The following ATP4B variants were observed in gnomAD, a reference collection of about 807,000 sequenced individuals.
ATP4B encodes potassium-transporting ATPase subunit beta.
A neutral mutation model predicts 35.3 loss-of-function variants in ATP4B; 27 were observed. The observed-to-expected ratio is 0.76, with a 90% confidence interval of 0.56 to 1.05. The LOEUF (loss-of-function observed/expected upper bound fraction) is 1.05. Among genes scored for constraint, ATP4B ranks in the 50% least tolerant of loss-of-function variants. The pLI is 0.00. For synonymous variants in ATP4B, 162 were observed against 156.0 expected (o/e 1.04, Z -0.29); for missense variants, 375 against 384.8 (o/e 0.97, Z 0.21).
At chr13:113,652,716 G>A (rs2049721462) in intron 4 of ATP4B, 157 bp downstream of exon 4, 3 of 796,802 alleles carry the variant, frequency 3.8e-6, no homozygotes, top group Non-Finnish European at 4.3e-6. Flanking sequence ...CACGGGACAG[G>A]TGCGTGCCAA....
Position 113,649,652 on chromosome 13 carries a change from A to C in ATP4B, c.715-117T>G. The C allele has an allele frequency of 8.1e-7, 1 of 1,228,238 alleles. No individual in the cohort carries two copies. The highest frequency in any genetic ancestry group is 2.8e-5 in the East Asian group (1 of 35,556). The allele number at this position is 1,228,238 out of a possible 1,614,324, so 76.1% of individuals were successfully genotyped here. On this transcript the variant is annotated intron_variant, in intron 6 of 6. Transcript: ENST00000335288. This position sits in a 1 kb window ranked among gnomAD's most constrained non-coding sequence, Gnocchi z 4.7. ...GTGCAGAGAAGCAGCTCTTTTGTGT[A>C]AGACTGGCCCTGACCGAGTGCATGC...
intron 2 of ATP4B, 95 bp from the exon 3 acceptor site, chr13:113,653,529 G>C: frequency 9.3e-7 from 1 of 1,077,722 alleles, no homozygotes; most frequent in Middle Eastern, 2.6e-4. Flanking sequence ...AGAGGCGGTG[G>C]CCCAACCCAG....
chr13:113,656,245 T>C (rs2049753513), intron 1 of ATP4B, among the ~76,000 whole-genome samples: 1 of 152,182 alleles, frequency 6.6e-6, no homozygotes, highest in Non-Finnish European at 1.5e-5. Flanking sequence ...GTGGCTTCTA[T>C]TTGACTTGGC....
At chr13:113,652,292 C>T (rs1173826479) in intron 4 of ATP4B, among the ~76,000 whole-genome samples, 2 of 152,216 alleles carry the variant, frequency 1.3e-5, no homozygotes, top group Admixed American at 6.5e-5. Context: ...CCCTGGCTGA[C>T]GGGGACCCGT....
In ATP4B at chr13:113,649,073, G is replaced by A. The variant is rs562549692; in HGVS notation, c.*301C>T. ...AGAAAGTGATGTCTACATAGAAGACGAATCGTTTTTATGACCTGGTTAATT... is the reference window on the plus strand; with the variant it reads ...AGAAAGTGATGTCTACATAGAAGACAAATCGTTTTTATGACCTGGTTAATT... On this transcript the variant is annotated 3_prime_UTR_variant, in exon 7 of 7. Coordinates refer to ENST00000335288, the MANE Select transcript of ATP4B (RefSeq NM_000705.4). The surrounding 1 kb of genome is among the most constrained non-coding windows in gnomAD (Gnocchi z 4.7). 17 of 241,370 alleles carry A rather than the reference G, an allele frequency of 7.0e-5. No homozygotes were observed. Among genetic ancestry groups the A allele is most frequent in the Non-Finnish European group, 9.9e-5 (12 of 121,660 alleles). The allele number at this position is 241,370 out of a possible 1,614,324, so 15.0% of individuals were successfully genotyped here.
intron 1 of ATP4B, 46 bp from the exon 2 acceptor site, chr13:113,654,988 A>G (rs2049742733): frequency 1.2e-6 from 2 of 1,610,918 alleles, no homozygotes; most frequent in Non-Finnish European, 1.7e-6. Flanking sequence ...AGCCATTTTA[A>G]CGCACACAAT....
Position 113,654,836 on chromosome 13 carries a change from G to A in ATP4B, c.219C>T (p.Tyr73=), listed in dbSNP as rs1412521273. 3.1e-6 allele frequency: 5 copies of A among 1,614,038 alleles called. No individual in the cohort carries two copies. Among genetic ancestry groups the A allele is most frequent in the Non-Finnish European group, 4.2e-6 (5 of 1,180,022 alleles). The change falls in exon 2 of 7, where the codon TAC becomes TAT. Residue 73 remains tyrosine (Y), a synonymous_variant. Transcript: ENST00000335288. ...MQTVDPYTPD[Y]QDQLRSPGVT... ...TACCTGGTGACCGTAGCTGGTCTTGGTAGTCCGGTGTGTACGGGTCCACTG... is the reference window on the plus strand; with the variant it reads ...TACCTGGTGACCGTAGCTGGTCTTGATAGTCCGGTGTGTACGGGTCCACTG...
rs368016520 is a variant in ATP4B at position 113,650,439 on chromosome 13, C to T, written c.681G>A (p.Leu227=). 29 of 1,613,912 alleles carry T rather than the reference C, an allele frequency of 1.8e-5. No homozygotes were observed. Among genetic ancestry groups the T allele is most frequent in the Non-Finnish European group, 2.4e-5 (28 of 1,179,952 alleles). The change falls in exon 6 of 7, where the codon CTG becomes CTA. Residue 227 remains leucine, a synonymous_variant. Transcript: ENST00000335288. The surrounding 1 kb of genome is among the most constrained non-coding windows in gnomAD (Gnocchi z 5.0). ...KYYPPNGTFS[L]HYFPYYGKKA... is the part of the protein sequence containing the mutation. ...TCTTCCCGTAATAAGGGAAGTAGTG[C>T]AGACTGAAGGTGCCGTTGGGAGGGT...
At position 113,654,597 on chromosome 13, in the gene ATP4B, C is replaced by T. The variant is rs538158298; in HGVS notation, c.241+217G>A. Among the ~76,000 whole-genome samples, 50 of 152,358 alleles carry T rather than the reference C, an allele frequency of 3.3e-4. No homozygotes were observed. In the South Asian group the frequency reaches 0.01, roughly 31 times the overall value. ...TTCCTCATGGAAAGAAACTAAGGGG[C>T]CGCTTATGCCTTGGTGCTGCTCTTA... is the stretch of plus-strand genomic sequence containing the variant. On this transcript the variant is annotated intron_variant, in intron 2 of 6. Coordinates refer to ENST00000335288, the MANE Select transcript of ATP4B (RefSeq NM_000705.4).
chr13:113,649,660 C>T lies in ATP4B; in HGVS notation c.715-125G>A, dbSNP rs2049696949. On this transcript the variant is annotated intron_variant, in intron 6 of 6. Transcript: ENST00000335288. The surrounding 1 kb of genome is among the most constrained non-coding windows in gnomAD (Gnocchi z 4.7). ...AAGCAGCTCTTTTGTGTAAGACTGGCCCTGACCGAGTGCATGCCCTGGAAT... is the reference window on the plus strand; with the variant it reads ...AAGCAGCTCTTTTGTGTAAGACTGGTCCTGACCGAGTGCATGCCCTGGAAT... The T allele has an allele frequency of 3.5e-6, 4 of 1,137,896 alleles. No individual in the cohort carries two copies. Among genetic ancestry groups the T allele is most frequent in the Non-Finnish European group, 3.5e-6 (3 of 845,894 alleles). 70.5% of individuals were successfully genotyped at this position (1,137,896 alleles called of 1,614,324 possible).
At chr13:113,654,599 G>A (rs9670304) in intron 2 of ATP4B, among the ~76,000 whole-genome samples, 67,129 of 152,188 alleles carry the variant, frequency 0.44, 15,909 homozygotes, top group East Asian at 0.63. Flanking sequence ...CTAAGGGGCC[G>A]CTTATGCCTT....
rs981768486 is a variant in ATP4B, at chr13:113,650,591, A to G, written c.613-84T>C. The G allele has an allele frequency of 2.2e-5, 23 of 1,048,636 alleles. No homozygotes were observed. The highest frequency in any genetic ancestry group is 2.5e-5 in the East Asian group (1 of 40,090). The allele number at this position is 1,048,636 out of a possible 1,614,324, so 65.0% of individuals were successfully genotyped here. A position where few individuals can be genotyped will look rare whatever the true frequency, so the allele number is the denominator to read the frequency against. Reference sequence around the variant, plus strand: ...GTGTTGCGTTTGTGTGCGTGTGTGCACACACGCGCTGTGTAGGTGCTTGCA... The same window carrying G: ...GTGTTGCGTTTGTGTGCGTGTGTGCGCACACGCGCTGTGTAGGTGCTTGCA... On this transcript the variant is annotated intron_variant, in intron 5 of 6. Coordinates refer to ENST00000335288, the MANE Select transcript of ATP4B (RefSeq NM_000705.4). This position sits in a 1 kb window ranked among gnomAD's most constrained non-coding sequence, Gnocchi z 5.0.
At position 113,649,353 on chromosome 13, in the gene ATP4B, A is replaced by G. The variant is rs964569939; in HGVS notation, c.*21T>C. On this transcript the variant is annotated 3_prime_UTR_variant, in exon 7 of 7. Transcript: ENST00000335288. The surrounding 1 kb of genome is among the most constrained non-coding windows in gnomAD (Gnocchi z 4.7). Reference sequence around the variant, plus strand: ...CTTGAGCGACCCCGCAGGCGTGCCCAGGACCCCTGCGCAAACCGTTTCACT... The same window carrying G: ...CTTGAGCGACCCCGCAGGCGTGCCCGGGACCCCTGCGCAAACCGTTTCACT... The G allele has an allele frequency of 3.8e-6, 6 of 1,583,900 alleles. No individual in the cohort carries two copies. Among genetic ancestry groups the G allele is most frequent in the Non-Finnish European group, 4.3e-6 (5 of 1,163,644 alleles).
chr13:113,653,151 C>T (rs1318065810), intron 3 of ATP4B, 79 bp from the exon 4 acceptor site: 1 of 1,516,328 alleles, frequency 6.6e-7, no homozygotes, highest in African/African-American at 1.4e-5. Context: ...CCTTGCAAGC[C>T]CTGAGTGCGA....
chr13:113,654,996 A>T, intron 1 of ATP4B, 54 bp from the exon 2 acceptor site: 1 of 1,606,556 alleles, frequency 6.2e-7, no homozygotes, highest in Non-Finnish European at 8.5e-7. Flanking sequence ...TAACGCACAC[A>T]ATTCGGTGGC....
At chr13:113,653,556 A>G in intron 2 of ATP4B, 122 bp from the exon 3 acceptor site, 1 of 745,398 alleles carries the variant, frequency 1.3e-6, no homozygotes, top group Non-Finnish European at 2.3e-6. Context: ...CCTCGGAGTA[A>G]ACTGTCTGCA....
chr13:113,650,375 G>T lies in ATP4B; in HGVS notation c.714+31C>A. On this transcript the variant is annotated intron_variant, in intron 6 of 6. Coordinates refer to ENST00000335288, the MANE Select transcript of ATP4B (RefSeq NM_000705.4). The surrounding 1 kb of genome is among the most constrained non-coding windows in gnomAD (Gnocchi z 5.0). ...AAGTGTGAGAGGACTCAGCAGCTGTGGTGAGGGAAGCGTGGAAGGAAGGAA... is the reference window on the plus strand; with the variant it reads ...AAGTGTGAGAGGACTCAGCAGCTGTTGTGAGGGAAGCGTGGAAGGAAGGAA... The T allele has an allele frequency of 6.3e-7, 1 of 1,588,074 alleles. No individual in the cohort carries two copies. Among genetic ancestry groups the T allele is most frequent in the Non-Finnish European group, 8.6e-7 (1 of 1,156,734 alleles).
rs1394478966 is a variant in ATP4B, at chr13:113,658,173, C to T, written c.-29G>A. ...CCCTGGCCTGAGATCCTCCCGTCTG[C>T]TCCCTGCACCCTCTACGCCCAGACT... is the stretch of plus-strand genomic sequence containing the variant. On this transcript the variant is annotated 5_prime_UTR_variant, in exon 1 of 7. Coordinates refer to ENST00000335288, the MANE Select transcript of ATP4B (RefSeq NM_000705.4). 1.3e-6 allele frequency: 2 copies of T among 1,591,496 alleles called. No homozygotes were observed. The highest frequency in any genetic ancestry group is 2.3e-5 in the East Asian group (1 of 44,184).
rs1198857957 is a variant in ATP4B at position 113,654,383 on chromosome 13, G to C, written c.241+431C>G. Among the ~76,000 whole-genome samples the C allele has an allele frequency of 2.6e-5, 4 of 152,288 alleles. No individual in the cohort carries two copies. The East Asian group carries it at 5.8e-4, about 22-fold the overall frequency. On this transcript the variant is annotated intron_variant, in intron 2 of 6. Coordinates refer to ENST00000335288, the MANE Select transcript of ATP4B (RefSeq NM_000705.4). Reference sequence around the variant, plus strand: ...CTGCTGATGTGTAGGTGACCAGCGGGCTCTTTTCTGCTGGTCTCCCGGGTG... The same window carrying C: ...CTGCTGATGTGTAGGTGACCAGCGGCCTCTTTTCTGCTGGTCTCCCGGGTG...
Sources: gnomAD v4.1 joint callset for allele counts (sites outside exome capture counted in the v4.1 genomes callset) on GRCh38, gnomAD v4.1.1 for gene constraint, Gnocchi (gnomAD v3.1) non-coding constraint, MANE v1.5 for transcripts, NCBI Gene and HGNC (gene_info 2026-07-23, HGNC 2026-07-21) for gene names.